The following PRKG1 variants were observed in gnomAD, a reference collection of about 807,000 sequenced individuals.
The protein encoded by PRKG1 is protein kinase cGMP-dependent 1.
In PRKG1, 35 loss-of-function variants were observed where a neutral mutation model predicts 88.1. The observed-to-expected ratio is 0.40, with a 90% CI of 0.30 to 0.53. PRKG1 has a LOEUF of 0.53. PRKG1 is among the 20% of genes least tolerant of loss of function. PRKG1 has a pLI of 0.59. For missense variants in PRKG1, 540 were observed against 839.8 expected (o/e 0.64, Z 4.41); for synonymous variants, 303 against 292.5 (o/e 1.04, Z -0.37).
intron 2 of PRKG1, among the ~76,000 whole-genome samples, chr10:51,443,690 A>G (rs1397030668): frequency 6.6e-6 from 1 of 152,064 alleles, no homozygotes; most frequent in Non-Finnish European, 1.5e-5. Context: ...CATAGGTTAT[A>G]GTGGTCTTCA....
At chr10:52,162,199 A>G (rs1838294986) in intron 9 of PRKG1, among the ~76,000 whole-genome samples, 1 of 152,254 alleles carries the variant, frequency 6.6e-6, no homozygotes, top group African/African-American at 2.4e-5. Context: ...GCAAGAAAAA[A>G]TGCTTATTTT....
intron 5 of PRKG1, among the ~76,000 whole-genome samples, chr10:51,957,213 C>T (rs115858902): frequency 0.026 from 3,699 of 140,532 alleles, 199 homozygotes; most frequent in African/African-American, 0.092. Flanking sequence ...CTCCCTACCT[C>T]CCTCTCCTCT....
chr10:51,191,677 C>A (rs1009431208), intron 2 of PRKG1, among the ~76,000 whole-genome samples: 1 of 151,654 alleles, frequency 6.6e-6, no homozygotes, highest in Non-Finnish European at 1.5e-5. Context: ...TTACCATTAT[C>A]CTCATTTTAT....
chr10:52,221,750 C>T (rs536555817), intron 9 of PRKG1, among the ~76,000 whole-genome samples: 3 of 152,280 alleles, frequency 2.0e-5, no homozygotes, highest in African/African-American at 7.2e-5. Context: ...TAGAAATCAA[C>T]TGCATGTGTG....
chr10:51,885,024 G>A (rs1440505638), intron 4 of PRKG1, among the ~76,000 whole-genome samples: 1 of 152,190 alleles, frequency 6.6e-6, no homozygotes, highest in Admixed American at 6.5e-5. Context: ...ACCCTTGAAA[G>A]AATCCTTCAC....
intron 5 of PRKG1, among the ~76,000 whole-genome samples, chr10:52,036,861 C>A (rs1196567865): frequency 6.6e-6 from 1 of 152,018 alleles, no homozygotes; most frequent in Non-Finnish European, 1.5e-5. Flanking sequence ...ATACCCACAA[C>A]AGTTATGGAG....
intron 5 of PRKG1, among the ~76,000 whole-genome samples, chr10:52,048,709 G>GT (rs1422641037): frequency 6.6e-6 from 1 of 152,084 alleles, no homozygotes; most frequent in Admixed American, 6.6e-5. Context: ...GAGAAGACAG[G>GT]TTTTTTAACT....
chr10:51,878,358 T>G (rs1841353166), intron 4 of PRKG1, among the ~76,000 whole-genome samples: 1 of 152,096 alleles, frequency 6.6e-6, no homozygotes, highest in Non-Finnish European at 1.5e-5. Context: ...GGGGGAAGTT[T>G]GCTTTGATGT....
rs184599281 is a variant in PRKG1, at chr10:51,906,080, T to C, written c.699-1427T>C. On this transcript the variant is annotated intron_variant, in intron 4 of 17. Coordinates refer to ENST00000373980, the MANE Select transcript of PRKG1 (RefSeq NM_006258.4). ...GAGGAGAGTGGGAAGCTTTCCAAAG[T>C]TGTTAAGTGAATGTTTGCAGATCTG... Among the ~76,000 whole-genome samples the C allele has an allele frequency of 1.4e-4, 22 of 152,216 alleles. No homozygotes were observed. The East Asian group carries it at 4.3e-3, about 29-fold the overall frequency.
At chr10:52,246,941 C>A in intron 9 of PRKG1, among the ~76,000 whole-genome samples, 1 of 144,708 alleles carries the variant, frequency 6.9e-6, no homozygotes, top group African/African-American at 2.5e-5. Context: ...GGTTTCTAAT[C>A]ACCATAGCCC....
chr10:51,479,092 C>A (rs1379279219), intron 3 of PRKG1, among the ~76,000 whole-genome samples: 8 of 151,826 alleles, frequency 5.3e-5, no homozygotes, highest in African/African-American at 1.9e-4. Flanking sequence ...TACTCATTAT[C>A]TGAATCTCCT....
chr10:51,545,693 G>T (rs1392828964), intron 3 of PRKG1, among the ~76,000 whole-genome samples: 5 of 152,100 alleles, frequency 3.3e-5, no homozygotes, highest in Non-Finnish European at 7.4e-5. Flanking sequence ...GATTAGGCTT[G>T]TCATTTCCCC....
intron 1 of PRKG1, among the ~76,000 whole-genome samples, chr10:51,000,621 G>T (rs902227039): frequency 6.6e-6 from 1 of 152,162 alleles, no homozygotes; most frequent in African/African-American, 2.4e-5. Context: ...GTAGAGAAGT[G>T]AATTTATTTT....
At chr10:51,143,096 A>G (rs890982322) in intron 1 of PRKG1, among the ~76,000 whole-genome samples, 1 of 152,034 alleles carries the variant, frequency 6.6e-6, no homozygotes, top group Non-Finnish European at 1.5e-5. Flanking sequence ...TTAAACTGTA[A>G]TTATGTAAAC....
Position 51,467,818 on chromosome 10 carries a change from C to T in PRKG1, c.574C>T (p.Arg192Trp), listed in dbSNP as rs763006493. 6.2e-7 allele frequency: 1 copy of T among 1,611,890 alleles called. No individual in the cohort carries two copies. The highest frequency in any genetic ancestry group is 8.5e-7 in the Non-Finnish European group (1 of 1,178,146). Residue 192 changes from arginine (R) to tryptophan (W), a missense_variant, in exon 3 of 18, where the codon CGG (arginine) becomes TGG (tryptophan). Arg to Trp is a moderately radical substitution (Grantham distance 101). Around this residue, in one of 5 missense-constraint regions of PRKG1, gnomAD observed 400 missense variants for 562.7 expected, o/e 0.71. Transcript: ENST00000373980. The stretch of plus-strand genomic sequence containing the variant: ...ATTGGCTATTCTTTACAACTGTACC[C>T]GGACAGCGACCGTCAAGAGTAAGAC... ...GELAILYNCT[R>W]TATVKTLVNV...
intron 3 of PRKG1, among the ~76,000 whole-genome samples, chr10:51,767,616 C>T (rs1210128347): frequency 6.6e-6 from 1 of 151,206 alleles, no homozygotes; most frequent in Admixed American, 6.6e-5. Flanking sequence ...TGTAATTTCT[C>T]TAGCTTTTGA....
intron 4 of PRKG1, among the ~76,000 whole-genome samples, chr10:51,890,984 A>C (rs1039950921): frequency 3.3e-5 from 5 of 152,166 alleles, no homozygotes; most frequent in Admixed American, 2.0e-4. Context: ...TATTAGGGCT[A>C]GGTGGGGTGT....
intron 7 of PRKG1, among the ~76,000 whole-genome samples, chr10:52,123,976 G>T (rs1184061681): frequency 6.6e-6 from 1 of 152,016 alleles, no homozygotes; most frequent in East Asian, 1.9e-4. Flanking sequence ...GTTACAATAA[G>T]CTCTTTCCTA....
chr10:51,207,171 G>T (rs1195709341), intron 2 of PRKG1, among the ~76,000 whole-genome samples: 1 of 152,166 alleles, frequency 6.6e-6, no homozygotes, highest in African/African-American at 2.4e-5. Flanking sequence ...ACTGGAAGAA[G>T]GGATTATGTT....
Sources: gnomAD v4.1 joint callset for allele counts (sites outside exome capture counted in the v4.1 genomes callset) on GRCh38, gnomAD v4.1.1 for gene constraint, gnomAD v4.1.1 regional missense constraint, MANE v1.5 for transcripts, NCBI Gene and HGNC (gene_info 2026-07-23, HGNC 2026-07-21) for gene names.